Variants in NIN observed in about 807,000 individuals in gnomAD.
NIN encodes the protein ninein.
Under a neutral mutation model 257.6 loss-of-function variants are expected in NIN, and 137 were observed. The observed-to-expected ratio is 0.53, with a 90% CI of 0.46 to 0.61. The LOEUF is 0.61. Ranked by LOEUF, NIN falls within the 20% of genes least tolerant of loss-of-function variation. The pLI, the probability that NIN is intolerant of heterozygous loss-of-function variation, is 0.00. For missense variants in NIN, 2,439 were observed against 2,501.2 expected, an observed-to-expected ratio of 0.98 and a Z score of 0.53; for synonymous variants, 918 against 919.8, an observed-to-expected ratio of 1.00 and a Z score of 0.04.
chr14:50,743,348 C>T (rs992231150), intron 24 of NIN, 68 bp downstream of exon 24: 1 of 1,017,998 alleles, frequency 9.8e-7, no homozygotes, highest in Non-Finnish European at 1.6e-6. Flanking sequence ...ACTCTTTTTA[C>T]CGGGATTTCT....
intron 4 of NIN, among the ~76,000 whole-genome samples, chr14:50,805,126 C>T (rs554383609): frequency 1.3e-5 from 2 of 152,312 alleles, no homozygotes; most frequent in Non-Finnish European, 2.9e-5. Flanking sequence ...CACATAAAAG[C>T]ACATTATCAG....
chr14:50,754,880 G>A lies in NIN; in HGVS notation c.4539-13C>T, dbSNP rs374947594. 1.8e-5 allele frequency: 28 copies of A among 1,533,582 alleles called. No individual in the cohort carries two copies. In the African/African-American group the frequency reaches 3.2e-4, roughly 18 times the overall value. The allele number at this position is 1,533,582 out of a possible 1,614,324, so 95.0% of individuals were successfully genotyped here. A position where few individuals can be genotyped will look rare whatever the true frequency, so the allele number is the denominator to read the frequency against. On this transcript the variant is annotated splice_polypyrimidine_tract_variant and intron_variant, in intron 18 of 30. Coordinates refer to ENST00000530997, the MANE Select transcript of NIN (RefSeq NM_020921.4). ...TTCAGATTCATATCTGAAGCACAGA[G>A]ATTGAAAAAAATTGTTACAAGGCAG...
intron 4 of NIN, among the ~76,000 whole-genome samples, chr14:50,795,878 C>G (rs952049691): frequency 2.0e-5 from 3 of 152,134 alleles, no homozygotes; most frequent in Non-Finnish European, 4.4e-5. Flanking sequence ...ACTTGGGAGG[C>G]TGAGGCAGGA....
At chr14:50,770,618 C>A in intron 11 of NIN, 56 bp from the exon 12 acceptor site, 1 of 1,575,880 alleles carries the variant, frequency 6.3e-7, no homozygotes, top group South Asian at 1.1e-5. Context: ...GTCCCAGTAT[C>A]AATCTACCAA....
At chr14:50,781,018 T>C (rs1388879494) in intron 5 of NIN, among the ~76,000 whole-genome samples, 2 of 152,144 alleles carry the variant, frequency 1.3e-5, no homozygotes, top group Admixed American at 1.3e-4. Flanking sequence ...TGTTTTCACA[T>C]AAGAAATTTT....
rs1167025444 is a variant in NIN at position 50,741,743 on chromosome 14, T to G, written c.5302-15A>C. On this transcript the variant is annotated splice_polypyrimidine_tract_variant and intron_variant, in intron 24 of 30. Transcript: ENST00000530997. The stretch of plus-strand genomic sequence containing the variant: ...AAATTCTGAACCTGTATTGTGAGAA[T>G]GATCTTTTACTGCTACACAAACTCT... The G allele has an allele frequency of 3.7e-6, 6 of 1,612,040 alleles. No homozygotes were observed. The highest frequency in any genetic ancestry group is 4.2e-6 in the Non-Finnish European group (5 of 1,179,250).
intron 3 of NIN, among the ~76,000 whole-genome samples, chr14:50,809,547 A>C (rs1380792519): frequency 1.3e-5 from 2 of 152,210 alleles, no homozygotes; most frequent in Non-Finnish European, 2.9e-5. Context: ...GGAAGATTTC[A>C]GATTCTTTAA....
intron 2 of NIN, among the ~76,000 whole-genome samples, chr14:50,825,839 G>A (rs552599799): frequency 6.6e-6 from 1 of 152,206 alleles, no homozygotes; most frequent in African/African-American, 2.4e-5. Context: ...AATTGGAATT[G>A]AGAAGCAGAG....
At chr14:50,808,510 A>T (rs2044434523) in intron 3 of NIN, among the ~76,000 whole-genome samples, 1 of 152,176 alleles carries the variant, frequency 6.6e-6, no homozygotes, top group Non-Finnish European at 1.5e-5. Flanking sequence ...TCACTGCCTG[A>T]TGTGAATTGG....
At chr14:50,825,155 T>C (rs1434342900) in intron 2 of NIN, among the ~76,000 whole-genome samples, 1 of 152,154 alleles carries the variant, frequency 6.6e-6, no homozygotes, top group East Asian at 1.9e-4. Flanking sequence ...CAAGAGGGAA[T>C]TTAAGATAAC....
Position 50,757,822 on chromosome 14 carries a change from G to A in NIN, c.3208C>T (p.Leu1070=), listed in dbSNP as rs202116229. The A allele has an allele frequency of 4.2e-5, 68 of 1,614,014 alleles. 1 individual carries two copies. The highest frequency in any genetic ancestry group is 5.3e-5 in the Non-Finnish European group (63 of 1,180,044). Residue 1070 remains leucine (L), a synonymous_variant, in exon 18 of 31, where the codon CTG becomes TTG. Coordinates refer to ENST00000530997, the MANE Select transcript of NIN (RefSeq NM_020921.4). Reference sequence around the variant, plus strand: ...ACTGCCTGTTCATGAGCTCTCTGCAGGCTTAAGAGGACGTCCCCATTTTCT... The same window carrying A: ...ACTGCCTGTTCATGAGCTCTCTGCAAGCTTAAGAGGACGTCCCCATTTTCT... The part of the protein sequence containing the change: ...LEENGDVLLS[L]QRAHEQAVKE...
chr14:50,727,439 A>G, intron 29 of NIN: 1 of 1,151,252 alleles, frequency 8.7e-7, no homozygotes, highest in Non-Finnish European at 1.1e-6. Context: ...CACTCTTTAA[A>G]GGGTATAAAT....
chr14:50,744,035 A>C (rs987665085), intron 23 of NIN, among the ~76,000 whole-genome samples: 7 of 152,220 alleles, frequency 4.6e-5, no homozygotes, highest in African/African-American at 1.7e-4. Flanking sequence ...TATCGAGTTT[A>C]ATAATATAAT....
At chr14:50,738,043 G>A (rs985485168) in intron 27 of NIN, 97 bp downstream of exon 27, 28 of 1,228,490 alleles carry the variant, frequency 2.3e-5, no homozygotes, top group Middle Eastern at 2.2e-4. Context: ...ATATGCCATC[G>A]TAATCATTTC....
intron 28 of NIN, among the ~76,000 whole-genome samples, chr14:50,731,971 TAC>T (rs1330495624): frequency 1.3e-5 from 2 of 152,176 alleles, no homozygotes; most frequent in Non-Finnish European, 2.9e-5. Context: ...ATCATAGAGG[TAC>T]ACAAGAGACT....
chr14:50,751,097 C>T (rs915573446), intron 21 of NIN, among the ~76,000 whole-genome samples: 1 of 152,174 alleles, frequency 6.6e-6, no homozygotes, highest in Non-Finnish European at 1.5e-5. Context: ...TTCTTTTCTT[C>T]CTTTTTCTTG....
intron 4 of NIN, among the ~76,000 whole-genome samples, chr14:50,797,840 T>G (rs1049904764): frequency 1.3e-5 from 2 of 149,268 alleles, no homozygotes; most frequent in Non-Finnish European, 3.0e-5. Context: ...CAGGAGATAA[T>G]AGGGACCTAG....
At chr14:50,800,014 ACACACACACACAC>A (rs2044021421) in intron 4 of NIN, among the ~76,000 whole-genome samples, 3 of 17,684 alleles carry the variant, frequency 1.7e-4, no homozygotes, top group African/African-American at 3.8e-4. Flanking sequence ...ACATACACAC[ACACACACACACAC>A]ACACACACAC....
intron 28 of NIN, chr14:50,730,931 A>T: frequency 7.4e-7 from 1 of 1,347,070 alleles, no homozygotes; most frequent in Non-Finnish European, 9.8e-7. Flanking sequence ...ACCTTCACAC[A>T]CTATCTCAGG....
Sources: allele counts gnomAD v4.1 joint callset (sites outside exome capture counted in the v4.1 genomes callset), GRCh38; gene constraint gnomAD v4.1.1; transcripts MANE v1.5; gene names NCBI Gene and HGNC (gene_info 2026-07-23, HGNC 2026-07-21).